Variants in GOLM2 observed in about 807,000 individuals in gnomAD.
The protein encoded by GOLM2 is golgi membrane protein 2, also known as protein GOLM2.
A neutral mutation model predicts 55.9 loss-of-function variants in GOLM2; 26 were observed. That is an observed-to-expected ratio of 0.47 (90% CI 0.34 to 0.65). The LOEUF is 0.65. Ranked by LOEUF, GOLM2 falls within the 30% of genes least tolerant of loss-of-function variation. GOLM2 has a pLI of 0.01. For synonymous variants in GOLM2, 165 were observed against 194.6 expected (o/e 0.85, Z 1.27); for missense variants, 486 against 531.8 (o/e 0.91, Z 0.85).
chr15:44,323,800 T>C (rs1415305026), intron 2 of GOLM2, among the ~76,000 whole-genome samples: 3 of 152,228 alleles, frequency 2.0e-5, no homozygotes, highest in Admixed American at 2.0e-4. Context: ...TTGGATATAC[T>C]TAGATAATCT....
At chr15:44,356,943 G>A (rs2079202214) in intron 6 of GOLM2, among the ~76,000 whole-genome samples, 1 of 152,108 alleles carries the variant, frequency 6.6e-6, no homozygotes, top group African/African-American at 2.4e-5. Flanking sequence ...GGCCAAGGTG[G>A]GCAAATTGCT....
Position 44,386,134 on chromosome 15 carries a change from CCT to C in GOLM2, c.1072+5159_1072+5160del, listed in dbSNP as rs1403690403. Among the ~76,000 whole-genome samples, 10 of 152,118 alleles carry C rather than the reference CCT, an allele frequency of 6.6e-5. No individual in the cohort carries two copies. In the East Asian group the frequency reaches 1.5e-3, roughly 24 times the overall value. Reference sequence around the variant, plus strand: ...AAAATCATGGTAATGAAGATTTCCCCCTGTGTTTTCTTCTAAGACTTTCATAG... The same window carrying C: ...AAAATCATGGTAATGAAGATTTCCCCGTGTTTTCTTCTAAGACTTTCATAG... On this transcript the variant is annotated intron_variant, in intron 8 of 9. Coordinates refer to ENST00000299957, the MANE Select transcript of GOLM2 (RefSeq NM_138423.4).
intron 8 of GOLM2, among the ~76,000 whole-genome samples, chr15:44,388,052 T>C (rs1023167714): frequency 3.3e-5 from 5 of 149,490 alleles, no homozygotes; most frequent in African/African-American, 1.2e-4. Context: ...GACTAGAACC[T>C]CTGCCTCCTG....
intron 9 of GOLM2, among the ~76,000 whole-genome samples, chr15:44,408,313 G>A (rs889973885): frequency 4.6e-5 from 7 of 152,132 alleles, no homozygotes; most frequent in Admixed American, 4.6e-4. Flanking sequence ...ATGCAAAGAG[G>A]TTGTTGGTAG....
chr15:44,362,148 C>T (rs2079245071), intron 6 of GOLM2, among the ~76,000 whole-genome samples: 1 of 149,334 alleles, frequency 6.7e-6, no homozygotes. Flanking sequence ...CAGGGATGCC[C>T]TCTCTCACCA....
In GOLM2 at chr15:44,374,820, C is replaced by T. The variant is rs565738330; in HGVS notation, c.803-4870C>T. The stretch of plus-strand genomic sequence containing the variant: ...GTCACCTCTCACCAGGCCCCACCTC[C>T]GACACTGGGGATTACAATTCAGCAT... On this transcript the variant is annotated intron_variant, in intron 6 of 9. Coordinates refer to ENST00000299957, the MANE Select transcript of GOLM2 (RefSeq NM_138423.4). Among the ~76,000 whole-genome samples, 13 of 152,208 alleles carry T rather than the reference C, an allele frequency of 8.5e-5. No individual in the cohort carries two copies. The South Asian group carries it at 1.9e-3, about 22-fold the overall frequency.
At chr15:44,386,670 A>T (rs2079446240) in intron 8 of GOLM2, among the ~76,000 whole-genome samples, 1 of 152,138 alleles carries the variant, frequency 6.6e-6, no homozygotes, top group Non-Finnish European at 1.5e-5. Context: ...CAGGAGTTCA[A>T]GACCAGCCTG....
chr15:44,407,270 A>G (rs921266108), intron 9 of GOLM2, among the ~76,000 whole-genome samples: 9 of 145,714 alleles, frequency 6.2e-5, no homozygotes, highest in Non-Finnish European at 1.3e-4. Context: ...ATATTTATAT[A>G]TATATATTTT....
In GOLM2 at chr15:44,289,403, C is replaced by A; in HGVS notation, c.327+47C>A. The A allele has an allele frequency of 6.6e-7, 1 of 1,521,732 alleles. No individual in the cohort carries two copies. The highest frequency in any genetic ancestry group is 1.2e-5 in the South Asian group (1 of 81,816). The allele number at this position is 1,521,732 out of a possible 1,614,324, so 94.3% of individuals were successfully genotyped here. ...TCAAACCCCATGGTTTCTTTTCTCCCCGGGGTCTGGGGCGGGATGTTAATC... is the reference window on the plus strand; with the variant it reads ...TCAAACCCCATGGTTTCTTTTCTCCACGGGGTCTGGGGCGGGATGTTAATC... On this transcript the variant is annotated intron_variant, in intron 1 of 9. Transcript: ENST00000299957. The surrounding 1 kb of genome is among the most constrained non-coding windows in gnomAD (Gnocchi z 4.8).
chr15:44,364,879 T>G (rs2079273747), intron 6 of GOLM2, among the ~76,000 whole-genome samples: 1 of 152,120 alleles, frequency 6.6e-6, no homozygotes, highest in Non-Finnish European at 1.5e-5. Flanking sequence ...TCCAGCACAC[T>G]GAAAACACCA....
chr15:44,295,824 C>G lies in GOLM2; in HGVS notation c.327+6468C>G, dbSNP rs552686203. On this transcript the variant is annotated intron_variant, in intron 1 of 9. Coordinates refer to ENST00000299957, the MANE Select transcript of GOLM2 (RefSeq NM_138423.4). ...ACTTTAAAGACCTTGTCTCCAAATA[C>G]AGTTACATTCTGAGATCCTGGAGGC... Among the ~76,000 whole-genome samples the G allele has an allele frequency of 5.3e-5, 8 of 152,126 alleles. No individual in the cohort carries two copies. In the East Asian group the frequency reaches 1.4e-3, roughly 26 times the overall value.
intron 1 of GOLM2, among the ~76,000 whole-genome samples, chr15:44,310,488 A>G (rs1391539564): frequency 7.1e-6 from 1 of 141,362 alleles, no homozygotes; most frequent in Non-Finnish European, 1.5e-5. Context: ...ATATATATAT[A>G]TACACACACA....
intron 1 of GOLM2, among the ~76,000 whole-genome samples, chr15:44,317,626 C>T (rs1264293277): frequency 6.6e-6 from 1 of 152,122 alleles, no homozygotes; most frequent in Non-Finnish European, 1.5e-5. Flanking sequence ...TCAGTGATCT[C>T]ATTCCTATGA....
In GOLM2 at chr15:44,289,498, TTC is replaced by T. The variant is rs2078705605; in HGVS notation, c.327+144_327+145del. On this transcript the variant is annotated intron_variant, in intron 1 of 9. Coordinates refer to ENST00000299957, the MANE Select transcript of GOLM2 (RefSeq NM_138423.4). The surrounding 1 kb of genome is among the most constrained non-coding windows in gnomAD (Gnocchi z 4.8). ...CTCCTTTCACCCCCAACAACCCTGT[TTC>T]TGTCAGACTTTTCCCAGTTTATCAG... is the stretch of plus-strand genomic sequence containing the variant. The T allele has an allele frequency of 1.3e-6, 1 of 761,420 alleles. No homozygotes were observed. The highest frequency in any genetic ancestry group is 1.8e-5 in the African/African-American group (1 of 56,810). 47.2% of individuals were successfully genotyped at this position (761,420 alleles called of 1,614,324 possible).
intron 1 of GOLM2, among the ~76,000 whole-genome samples, chr15:44,312,211 C>T (rs2078879579): frequency 6.6e-6 from 1 of 152,146 alleles, no homozygotes; most frequent in Non-Finnish European, 1.5e-5. Context: ...ATTTCAAGCA[C>T]AGCTGCAGAA....
chr15:44,343,671 C>T (rs2079103417), intron 6 of GOLM2, among the ~76,000 whole-genome samples: 1 of 149,194 alleles, frequency 6.7e-6, no homozygotes, highest in Non-Finnish European at 1.5e-5. Flanking sequence ...ACTAAAAATA[C>T]AAAATTAGCT....
intron 2 of GOLM2, among the ~76,000 whole-genome samples, chr15:44,328,334 C>T (rs1312181221): frequency 6.6e-6 from 1 of 152,072 alleles, no homozygotes; most frequent in African/African-American, 2.4e-5. Flanking sequence ...AAAAATTAGC[C>T]GGATGTGGTG....
At chr15:44,359,352 C>A (rs1222011483) in intron 6 of GOLM2, among the ~76,000 whole-genome samples, 1 of 152,016 alleles carries the variant, frequency 6.6e-6, no homozygotes, top group East Asian at 1.9e-4. Flanking sequence ...CTTTGGGAGG[C>A]TGAGGTGGGC....
chr15:44,374,585 G>T (rs2079352008), intron 6 of GOLM2, among the ~76,000 whole-genome samples: 2 of 152,154 alleles, frequency 1.3e-5, no homozygotes, highest in Non-Finnish European at 2.9e-5. Flanking sequence ...GGCTGTACAG[G>T]CATCTGCTTC....
Sources: allele counts gnomAD v4.1 joint callset (sites outside exome capture counted in the v4.1 genomes callset), GRCh38; gene constraint gnomAD v4.1.1; non-coding constraint Gnocchi (gnomAD v3.1); transcripts MANE v1.5; gene names NCBI Gene and HGNC (gene_info 2026-07-23, HGNC 2026-07-21).